The following GPC5 variants were observed in gnomAD, a reference collection of about 807,000 sequenced individuals.
GPC5 encodes the protein glypican 5.
GPC5 carries 47 observed loss-of-function variants against 53.9 expected under a neutral mutation model. The ratio of observed to expected loss-of-function variants is 0.87; its 90% CI spans 0.69 to 1.11. GPC5 has a LOEUF of 1.11. GPC5 is among the 50% of genes most tolerant of loss of function. The pLI is 0.00. For synonymous variants in GPC5, 286 were observed against 263.3 expected, an observed-to-expected ratio of 1.09 and a Z score of -0.84; for missense variants, 748 against 713.1, an observed-to-expected ratio of 1.05 and a Z score of -0.56.
At chr13:92,859,975 A>T (rs1408748579) in intron 7 of GPC5, among the ~76,000 whole-genome samples, 1 of 152,114 alleles carries the variant, frequency 6.6e-6, no homozygotes, top group Non-Finnish European at 1.5e-5. Flanking sequence ...CCAGAAAAAA[A>T]AGTCTAGTTA....
intron 7 of GPC5, among the ~76,000 whole-genome samples, chr13:92,204,411 T>C (rs2042317731): frequency 1.3e-5 from 2 of 152,222 alleles, no homozygotes; most frequent in Non-Finnish European, 2.9e-5. Context: ...TATTGATTAA[T>C]GTTTGCCAAG....
rs546756921 is a variant in GPC5 at position 92,075,908 on chromosome 13, G to A, written c.1402-68922G>A. Among the ~76,000 whole-genome samples the A allele has an allele frequency of 1.2e-4, 19 of 152,242 alleles. 1 individual carries two copies. Among genetic ancestry groups the A allele is most frequent in the Admixed American group, 7.8e-4 (12 of 15,292 alleles). On this transcript the variant is annotated intron_variant, in intron 6 of 7. Coordinates refer to ENST00000377067, the MANE Select transcript of GPC5 (RefSeq NM_004466.6). ...AATTCTAGGCTATCTGAAGCTAATT[G>A]ATTATTGTATTTCTTTATTATTCTT...
chr13:91,582,655 G>T (rs1017097891), intron 2 of GPC5, among the ~76,000 whole-genome samples: 1 of 152,096 alleles, frequency 6.6e-6, no homozygotes, highest in Non-Finnish European at 1.5e-5. Flanking sequence ...CACTTTGAAA[G>T]ATCAAAGGAG....
chr13:92,295,049 C>T (rs9523612), intron 7 of GPC5, among the ~76,000 whole-genome samples: 12,700 of 151,920 alleles, frequency 0.084, 598 homozygotes, highest in Middle Eastern at 0.12. Context: ...AGGCTGGTCT[C>T]AAACTCCTGT....
intron 7 of GPC5, among the ~76,000 whole-genome samples, chr13:92,378,593 A>C (rs184535252): frequency 6.6e-6 from 1 of 152,230 alleles, no homozygotes; most frequent in Non-Finnish European, 1.5e-5. Flanking sequence ...CAAAACCATG[A>C]TAGAACTTTT....
chr13:91,827,421 A>G (rs571712432), intron 5 of GPC5, among the ~76,000 whole-genome samples: 1 of 152,016 alleles, frequency 6.6e-6, no homozygotes, highest in South Asian at 2.1e-4. Flanking sequence ...TAAAATCTAT[A>G]TTGGGTAAAG....
chr13:91,572,158 T>C (rs1313778396), intron 2 of GPC5, among the ~76,000 whole-genome samples: 1 of 119,156 alleles, frequency 8.4e-6, no homozygotes, highest in Admixed American at 8.0e-5. Flanking sequence ...TACGTGTGTA[T>C]ACACACACAT....
chr13:92,634,216 A>T (rs1885344986), intron 7 of GPC5, among the ~76,000 whole-genome samples: 1 of 152,070 alleles, frequency 6.6e-6, no homozygotes, highest in Admixed American at 6.6e-5. Flanking sequence ...TTACAATGTC[A>T]TGCTGACTTC....
intron 7 of GPC5, among the ~76,000 whole-genome samples, chr13:92,584,729 G>C (rs915271847): frequency 2.0e-5 from 3 of 152,066 alleles, no homozygotes; most frequent in African/African-American, 7.2e-5. Context: ...AGGCCCAGAG[G>C]CATAGGAGAA....
intron 7 of GPC5, among the ~76,000 whole-genome samples, chr13:92,162,118 G>GT (rs1026214218): frequency 9.9e-5 from 15 of 151,232 alleles, no homozygotes; most frequent in Non-Finnish European, 1.8e-4. Context: ...ATGGAATCCT[G>GT]TTTTTTCCCT....
chr13:92,294,955 A>T (rs9589484), intron 7 of GPC5, among the ~76,000 whole-genome samples: 29,992 of 149,980 alleles, frequency 0.2, 3,100 homozygotes, highest in South Asian at 0.37. Flanking sequence ...CAGCCTCCCG[A>T]GTAGCTGGTA....
Position 92,148,393 on chromosome 13 carries a change from G to T in GPC5, c.1561+3404G>T, listed in dbSNP as rs115675703. Among the ~76,000 whole-genome samples, 1,050 of 152,080 alleles carry T rather than the reference G, an allele frequency of 6.9e-3. 10 individuals are homozygous for T. The highest frequency in any genetic ancestry group is 0.024 in the African/African-American group (1,004 of 41,500). ...TTGCGTACCTTTTAGGTGTCATTTT[G>T]TCTTCATCACCAATGTTATCAACTT... On this transcript the variant is annotated intron_variant, in intron 7 of 7. Coordinates refer to ENST00000377067, the MANE Select transcript of GPC5 (RefSeq NM_004466.6).
At chr13:92,666,830 G>A (rs1217469226) in intron 7 of GPC5, among the ~76,000 whole-genome samples, 1 of 152,200 alleles carries the variant, frequency 6.6e-6, no homozygotes, top group African/African-American at 2.4e-5. Context: ...AAGGAGATTA[G>A]TGTAATTCAA....
chr13:92,189,994 C>A (rs999606620), intron 7 of GPC5, among the ~76,000 whole-genome samples: 1 of 152,090 alleles, frequency 6.6e-6, no homozygotes, highest in Non-Finnish European at 1.5e-5. Flanking sequence ...ATTCACAGAT[C>A]CACGAAGCTC....
chr13:91,871,572 TAA>T (rs2039145095), intron 5 of GPC5, among the ~76,000 whole-genome samples: 6 of 152,090 alleles, frequency 3.9e-5, no homozygotes, highest in Admixed American at 1.3e-4. Context: ...AAAAATACAG[TAA>T]ATATATAACT....
intron 1 of GPC5, among the ~76,000 whole-genome samples, chr13:91,434,709 T>G (rs534411950): frequency 6.6e-6 from 1 of 152,326 alleles, no homozygotes; most frequent in South Asian, 2.1e-4. Flanking sequence ...GTAGTTTTTT[T>G]CCAATTCTGT....
intron 7 of GPC5, among the ~76,000 whole-genome samples, chr13:92,685,023 T>C (rs1192796504): frequency 6.6e-6 from 1 of 152,182 alleles, no homozygotes; most frequent in Non-Finnish European, 1.5e-5. Context: ...TTATTTACCA[T>C]TAGTAGTATG....
chr13:91,554,250 C>A (rs1459603173), intron 2 of GPC5, among the ~76,000 whole-genome samples: 2 of 151,936 alleles, frequency 1.3e-5, no homozygotes, highest in Non-Finnish European at 1.5e-5. Flanking sequence ...TACACATAGA[C>A]ACACACACAC....
chr13:92,237,207 C>T (rs575022409), intron 7 of GPC5, among the ~76,000 whole-genome samples: 1 of 152,056 alleles, frequency 6.6e-6, no homozygotes, highest in East Asian at 1.9e-4. Flanking sequence ...AATAAAAGGT[C>T]TTGTGTTTTA....
Sources: gnomAD v4.1 joint callset for allele counts (sites outside exome capture counted in the v4.1 genomes callset) on GRCh38, gnomAD v4.1.1 for gene constraint, MANE v1.5 for transcripts, NCBI Gene and HGNC (gene_info 2026-07-23, HGNC 2026-07-21) for gene names.